Variants in ANO6 observed in about 807,000 individuals in gnomAD.
The protein encoded by ANO6 is anoctamin 6, also known as anoctamin-6.
ANO6 carries 106 observed loss-of-function variants against 117.5 expected under a neutral mutation model. The ratio of observed to expected loss-of-function variants is 0.90; its 90% confidence interval spans 0.77 to 1.06. The LOEUF (loss-of-function observed/expected upper bound fraction) is 1.06. Among genes scored for constraint, ANO6 ranks in the 50% least tolerant of loss-of-function variants. ANO6 has a pLI of 0.00. For missense variants in ANO6, 955 were observed against 1,121.1 expected (o/e 0.85, Z 2.12); for synonymous variants, 367 against 385.1 (o/e 0.95, Z 0.55).
intron 1 of ANO6, among the ~76,000 whole-genome samples, chr12:45,255,859 C>T (rs770733378): frequency 5.2e-5 from 7 of 135,284 alleles, no homozygotes; most frequent in East Asian, 2.3e-4. Flanking sequence ...CTCGCCCATT[C>T]GCACAGGCCA....
In ANO6 at chr12:45,216,227, C is replaced by T; in HGVS notation, c.-95C>T. The stretch of plus-strand genomic sequence containing the variant: ...CTGAGCCCAAGCGACACACGCCCCG[C>T]GGTCCCCGATCCGGCCCCTGGGAGA... On this transcript the variant is annotated 5_prime_UTR_variant, in exon 1 of 20. Transcript: ENST00000320560. 1.4e-6 allele frequency: 2 copies of T among 1,405,728 alleles called. No individual in the cohort carries two copies. The highest frequency in any genetic ancestry group is 1.2e-5 in the South Asian group (1 of 80,638). The allele number at this position is 1,405,728 out of a possible 1,614,324, so 87.1% of individuals were successfully genotyped here. A position where few individuals can be genotyped will look rare whatever the true frequency, so the allele number is the denominator to read the frequency against.
At chr12:45,279,316 G>C (rs1484233248) in intron 1 of ANO6, among the ~76,000 whole-genome samples, 1 of 152,112 alleles carries the variant, frequency 6.6e-6, no homozygotes, top group Non-Finnish European at 1.5e-5. Context: ...TCCTATTTTA[G>C]TATTTAGCTT....
At chr12:45,216,488 G>A in intron 1 of ANO6, 97 bp downstream of exon 1, 2 of 1,402,052 alleles carry the variant, frequency 1.4e-6, no homozygotes, top group South Asian at 2.5e-5. Flanking sequence ...CCGCGGGGGA[G>A]GTTGGCCGAG....
At chr12:45,376,197 AAAC>A (rs1555174805) in intron 9 of ANO6, among the ~76,000 whole-genome samples, 2 of 146,096 alleles carry the variant, frequency 1.4e-5, no homozygotes, top group Non-Finnish European at 3.0e-5. Flanking sequence ...AAAAGTCAGG[AAAC>A]AACAGGTGCT....
chr12:45,216,096 G>C lies in ANO6; in HGVS notation c.-226G>C, dbSNP rs1947303720. The C allele has an allele frequency of 1.8e-6, 1 of 550,846 alleles. No individual in the cohort carries two copies. The highest frequency in any genetic ancestry group is 3.2e-6 in the Non-Finnish European group (1 of 310,896). 34.1% of individuals were successfully genotyped at this position (550,846 alleles called of 1,614,324 possible). On this transcript the variant is annotated 5_prime_UTR_variant, in exon 1 of 20. Coordinates refer to ENST00000320560, the MANE Select transcript of ANO6 (RefSeq NM_001025356.3). ...GCGGCGGCCGCACTGGGCATGCTCAGTCTCCGGGCTCCGCTCGGCAGGCGA... is the reference window on the plus strand; with the variant it reads ...GCGGCGGCCGCACTGGGCATGCTCACTCTCCGGGCTCCGCTCGGCAGGCGA...
At chr12:45,339,128 T>G (rs943278755) in intron 3 of ANO6, among the ~76,000 whole-genome samples, 6 of 152,100 alleles carry the variant, frequency 3.9e-5, no homozygotes, top group African/African-American at 1.2e-4. Context: ...CACAAAAGAA[T>G]AGCTGCTTGT....
chr12:45,390,652 A>G (rs1435091379), intron 12 of ANO6, among the ~76,000 whole-genome samples, 154 bp downstream of exon 12: 1 of 152,190 alleles, frequency 6.6e-6, no homozygotes, highest in African/African-American at 2.4e-5. Context: ...CCAGATAACT[A>G]TTTTAGCCAC....
In ANO6 at chr12:45,429,164, C is replaced by A; in HGVS notation, c.2586C>A (p.Arg862=). The A allele has an allele frequency of 1.2e-6, 2 of 1,613,808 alleles. No individual in the cohort carries two copies. Among genetic ancestry groups the A allele is most frequent in the Non-Finnish European group, 1.7e-6 (2 of 1,179,918 alleles). ...ISYAIPDVSK[R]TKSKIQREKY... ...ATGCAATTCCCGATGTATCAAAACG[C>A]ACAAAGAGCAAGATCCAGAGAGAAA... Residue 862 remains arginine (R), a synonymous_variant, in exon 20 of 20, where the codon CGC becomes CGA. Coordinates refer to ENST00000320560, the MANE Select transcript of ANO6 (RefSeq NM_001025356.3).
At chr12:45,282,849 C>T (rs1487601976) in intron 1 of ANO6, among the ~76,000 whole-genome samples, 1 of 152,192 alleles carries the variant, frequency 6.6e-6, no homozygotes, top group African/African-American at 2.4e-5. Flanking sequence ...ATTGCATTCT[C>T]TCATATATAG....
chr12:45,370,546 A>G (rs1487892229), intron 9 of ANO6, among the ~76,000 whole-genome samples: 1 of 152,224 alleles, frequency 6.6e-6, no homozygotes, highest in Non-Finnish European at 1.5e-5. Context: ...AGTGTTGTCA[A>G]ATACTTAGAA....
intron 1 of ANO6, among the ~76,000 whole-genome samples, chr12:45,290,469 C>T (rs1421012829): frequency 1.3e-5 from 2 of 152,232 alleles, no homozygotes; most frequent in Non-Finnish European, 2.9e-5. Flanking sequence ...GACAGGTCAG[C>T]GACTAGAACC....
At chr12:45,350,518 A>G (rs955651710) in intron 6 of ANO6, 141 bp from the exon 7 acceptor site, 4 of 720,636 alleles carry the variant, frequency 5.6e-6, no homozygotes, top group Admixed American at 2.0e-5. Flanking sequence ...ATCACTAAAA[A>G]TTAGATGGTA....
At chr12:45,373,996 C>G (rs150962705) in intron 9 of ANO6, among the ~76,000 whole-genome samples, 6 of 151,856 alleles carry the variant, frequency 4.0e-5, no homozygotes, top group African/African-American at 1.2e-4. Context: ...ATCAAAGAGA[C>G]GCAATAAAAA....
chr12:45,227,625 T>G (rs765563643), intron 1 of ANO6, among the ~76,000 whole-genome samples: 3 of 150,884 alleles, frequency 2.0e-5, no homozygotes, highest in Non-Finnish European at 4.4e-5. Flanking sequence ...TTCTTTTTCT[T>G]TTTTTTTTAG....
chr12:45,288,642 T>G (rs1052163247), intron 1 of ANO6, among the ~76,000 whole-genome samples: 1 of 152,264 alleles, frequency 6.6e-6, no homozygotes, highest in Non-Finnish European at 1.5e-5. Context: ...AGTGGACACT[T>G]GAATTGCTAT....
Position 45,390,333 on chromosome 12 carries a change from A to G in ANO6, c.1309-88A>G, listed in dbSNP as rs902618558. The G allele has an allele frequency of 2.8e-5, 31 of 1,096,906 alleles. No individual in the cohort carries two copies. In the South Asian group the frequency reaches 3.9e-4, roughly 14 times the overall value. The allele number at this position is 1,096,906 out of a possible 1,614,324, so 67.9% of individuals were successfully genotyped here. ...CTTGCAAACTAATTTTTTAAAATTA[A>G]TTCTAAGATTTATTGGCGAGTCAGG... On this transcript the variant is annotated intron_variant, in intron 11 of 19. Transcript: ENST00000320560.
intron 1 of ANO6, among the ~76,000 whole-genome samples, chr12:45,231,421 T>A (rs1052727623): frequency 6.6e-6 from 1 of 152,230 alleles, no homozygotes; most frequent in Non-Finnish European, 1.5e-5. Flanking sequence ...GCAGGCCCTC[T>A]TCAGCATTAT....
rs747913011 is a variant in ANO6 at position 45,421,038 on chromosome 12, C to CGTTT, written c.2218-33_2218-32insGTTT. On this transcript the variant is annotated intron_variant, in intron 17 of 19. Coordinates refer to ENST00000320560, the MANE Select transcript of ANO6 (RefSeq NM_001025356.3). ...CCGTCTCAAAAACAAAAAACTATAA[C>CGTTT]TTCATTTTCGCTTTGTTTTTCTCCC... 20 of 1,607,460 alleles carry CGTTT rather than the reference C, an allele frequency of 1.2e-5. 1 individual carries two copies.
Position 45,401,852 on chromosome 12 carries a change from A to C in ANO6, c.1444A>C (p.Ile482Leu), listed in dbSNP as rs1291796607. Residue 482 changes from isoleucine (I) to leucine (L), a missense_variant, in exon 13 of 20, where the codon ATT becomes CTT. Transcript: ENST00000320560. ...CATTGTCTATAGGCTCTCGGTGTTC[A>C]TTGTATTTTCTGCAAAACTTCCCAA... ...GIIVYRLSVF[I>L]VFSAKLPKNI... The C allele has an allele frequency of 1.2e-6, 2 of 1,613,802 alleles. No homozygotes were observed. The highest frequency in any genetic ancestry group is 1.7e-6 in the Non-Finnish European group (2 of 1,179,988).
Sources: gnomAD v4.1 joint callset for allele counts (sites outside exome capture counted in the v4.1 genomes callset) on GRCh38, gnomAD v4.1.1 for gene constraint, MANE v1.5 for transcripts, NCBI Gene and HGNC (gene_info 2026-07-23, HGNC 2026-07-21) for gene names.